SETBP1: variants seen among roughly 807,000 people sequenced by gnomAD.
The protein encoded by SETBP1 is SET binding protein 1, also known as SET-binding protein.
A neutral mutation model predicts 101.0 loss-of-function variants in SETBP1; 9 were observed. The ratio of observed to expected loss-of-function variants is 0.09; its 90% CI spans 0.05 to 0.16. The LOEUF (loss-of-function observed/expected upper bound fraction) is 0.16. SETBP1 is among the 10% of genes least tolerant of loss of function. SETBP1 has a pLI of 1.00. For synonymous variants in SETBP1, 818 were observed against 788.5 expected, an observed-to-expected ratio of 1.04 and a Z score of -0.63; for missense variants, 1,858 against 2,033.8, an observed-to-expected ratio of 0.91 and a Z score of 1.66.
At chr18:44,731,829 C>T (rs777682954) in intron 2 of SETBP1, among the ~76,000 whole-genome samples, 7 of 152,148 alleles carry the variant, frequency 4.6e-5, no homozygotes, top group Non-Finnish European at 1.0e-4. Context: ...GCCTGGTCCA[C>T]GTGAAGACAG....
intron 4 of SETBP1, among the ~76,000 whole-genome samples, chr18:45,013,859 C>T (rs964189043): frequency 1.3e-5 from 2 of 152,186 alleles, no homozygotes; most frequent in African/African-American, 4.8e-5. Context: ...AACTCACCCA[C>T]CATGTTTCTT....
chr18:44,881,820 G>A (rs1025993375), intron 3 of SETBP1, among the ~76,000 whole-genome samples: 1 of 152,208 alleles, frequency 6.6e-6, no homozygotes, highest in African/African-American at 2.4e-5. Context: ...AAAGAGCACA[G>A]CTGGGTTTGG....
At chr18:44,757,174 G>A (rs923789594) in intron 2 of SETBP1, among the ~76,000 whole-genome samples, 1 of 152,144 alleles carries the variant, frequency 6.6e-6, no homozygotes, top group African/African-American at 2.4e-5. Flanking sequence ...CAGTGGGGAA[G>A]GTTGGAGATT....
intron 4 of SETBP1, among the ~76,000 whole-genome samples, chr18:45,020,293 A>AAAAAAAAAAAAAAAAAAAAG (rs1568032212): frequency 7.5e-6 from 1 of 133,908 alleles, no homozygotes; most frequent in African/African-American, 2.9e-5. Flanking sequence ...AAAAAAAAAA[A>AAAAAAAAAAAAAAAAAAAAG]AAGTGGCTTC....
chr18:44,732,977 C>T (rs1038039950), intron 2 of SETBP1: 14 of 152,244 alleles, frequency 9.2e-5, no homozygotes, highest in Middle Eastern at 3.4e-3. Flanking sequence ...AGAATAAATT[C>T]TCCCTCAGGA....
chr18:45,054,619 A>G (rs1187466796), intron 5 of SETBP1, among the ~76,000 whole-genome samples: 1 of 152,148 alleles, frequency 6.6e-6, no homozygotes, highest in African/African-American at 2.4e-5. Context: ...CTATAATCTC[A>G]TCTTTTGCTG....
chr18:44,959,271 G>T (rs1450378419), intron 4 of SETBP1, among the ~76,000 whole-genome samples: 1 of 152,124 alleles, frequency 6.6e-6, no homozygotes, highest in African/African-American at 2.4e-5. Flanking sequence ...CCTTTGGAAG[G>T]CTGTCACTGG....
At position 44,969,941 on chromosome 18, in the gene SETBP1, TG is replaced by T. The variant is rs2071805841; in HGVS notation, c.4000+16602del. ...GGAAAAACCCCAAATAATGTCCACT[TG>T]AGGTCACATAGGCAAGCAGATGTCC... On this transcript the variant is annotated intron_variant, in intron 4 of 5. Transcript: ENST00000649279. 2.0e-5 allele frequency: 3 copies of T among 152,932 alleles called. 1 individual carries two copies. In the Admixed American group the frequency reaches 2.0e-4, roughly 10 times the overall value. 9.5% of individuals were successfully genotyped at this position (152,932 alleles called of 1,614,324 possible).
intron 3 of SETBP1, among the ~76,000 whole-genome samples, chr18:44,949,037 C>G (rs2071274884): frequency 6.6e-6 from 1 of 152,080 alleles, no homozygotes; most frequent in Non-Finnish European, 1.5e-5. Flanking sequence ...GCTTTTGAGA[C>G]TATCCAAGAG....
chr18:44,963,472 A>G (rs1187110367), intron 4 of SETBP1, among the ~76,000 whole-genome samples: 1 of 152,196 alleles, frequency 6.6e-6, no homozygotes, highest in Non-Finnish European at 1.5e-5. Context: ...GGTGCACAAG[A>G]ATATTCTTAT....
At position 44,950,298 on chromosome 18, in the gene SETBP1, G is replaced by A; in HGVS notation, c.958G>A (p.Gly320Arg). Residue 320 changes from glycine (G) to arginine (R), a missense_variant, in exon 4 of 6, where the codon GGA (glycine) becomes AGA (arginine). Gly to Arg is a moderately radical substitution (Grantham distance 125). Coordinates refer to ENST00000649279, the MANE Select transcript of SETBP1 (RefSeq NM_015559.3). ...TCAGCCCTTGGTGGATCAAGATGGAGGAGGTACAAAGGAGCCCCCAGAACC... is the reference window on the plus strand; with the variant it reads ...TCAGCCCTTGGTGGATCAAGATGGAAGAGGTACAAAGGAGCCCCCAGAACC... ...GLQPLVDQDG[G>R]GTKEPPEPPT... The A allele has an allele frequency of 6.2e-7, 1 of 1,614,042 alleles. No individual in the cohort carries two copies. Among genetic ancestry groups the A allele is most frequent in the South Asian group, 1.1e-5 (1 of 91,086 alleles).
At chr18:44,917,655 C>T (rs1044477206) in intron 3 of SETBP1, among the ~76,000 whole-genome samples, 6 of 152,120 alleles carry the variant, frequency 3.9e-5, no homozygotes, top group African/African-American at 7.2e-5. Flanking sequence ...TCTGCCTCCT[C>T]GAGTTGTTGA....
chr18:44,705,816 C>A (rs1180452884), intron 2 of SETBP1, among the ~76,000 whole-genome samples: 1 of 152,186 alleles, frequency 6.6e-6, no homozygotes, highest in East Asian at 1.9e-4. Context: ...GGCTAACTCT[C>A]CAAACTGGAG....
At chr18:44,758,880 G>A (rs894849590) in intron 2 of SETBP1, among the ~76,000 whole-genome samples, 3 of 152,180 alleles carry the variant, frequency 2.0e-5, no homozygotes, top group East Asian at 3.8e-4. Context: ...GGATTAAGGA[G>A]CATTTCTTCC....
chr18:44,760,332 T>G (rs1446319281), intron 2 of SETBP1, among the ~76,000 whole-genome samples: 1 of 152,188 alleles, frequency 6.6e-6, no homozygotes, highest in Admixed American at 6.5e-5. Flanking sequence ...GCCTGAAATG[T>G]GTCTGTACTT....
intron 3 of SETBP1, among the ~76,000 whole-genome samples, chr18:44,877,598 C>A (rs1003141663): frequency 6.6e-6 from 1 of 152,188 alleles, no homozygotes; most frequent in Non-Finnish European, 1.5e-5. Flanking sequence ...TATTACCAGA[C>A]GTGTGACAAT....
intron 3 of SETBP1, among the ~76,000 whole-genome samples, chr18:44,881,697 C>T (rs559415393): frequency 6.6e-6 from 1 of 152,134 alleles, no homozygotes; most frequent in South Asian, 2.1e-4. Flanking sequence ...GAATGTCCTT[C>T]GCTAGATCCA....
Position 44,951,217 on chromosome 18 carries a change from G to A in SETBP1, c.1877G>A (p.Arg626Gln), listed in dbSNP as rs369475378. ...CCTGGCACTAAGAAAAGAAAGCGAC[G>A]ACGCAATTTAGCGAAGTTGGCCCAG... ...EFPGTKKRKR[R>Q]RNLAKLAQLV... The change falls in exon 4 of 6, where the codon CGA becomes CAA. Residue 626 changes from arginine to glutamine, a missense_variant. Transcript: ENST00000649279. This position sits in a 1 kb window ranked among gnomAD's most constrained non-coding sequence, Gnocchi z 7.8. 9.4e-5 allele frequency: 152 copies of A among 1,613,978 alleles called. No homozygotes were observed. Among genetic ancestry groups the A allele is most frequent in the Non-Finnish European group, 1.0e-4 (121 of 1,180,050 alleles).
At chr18:44,820,009 A>G (rs1407211078) in intron 2 of SETBP1, among the ~76,000 whole-genome samples, 1 of 152,236 alleles carries the variant, frequency 6.6e-6, no homozygotes, top group Non-Finnish European at 1.5e-5. Context: ...TGGAAGGAAC[A>G]GACAACTGGA....
Sources: allele counts gnomAD v4.1 joint callset (sites outside exome capture counted in the v4.1 genomes callset), GRCh38; gene constraint gnomAD v4.1.1; non-coding constraint Gnocchi (gnomAD v3.1); transcripts MANE v1.5; gene names NCBI Gene and HGNC (gene_info 2026-07-23, HGNC 2026-07-21).